Variants in RUNX2 observed in about 807,000 individuals in gnomAD.
The protein encoded by RUNX2 is runt-related transcription factor 2.
A neutral mutation model predicts 51.7 loss-of-function variants in RUNX2; 10 were observed. The ratio of observed to expected loss-of-function variants is 0.19; its 90% CI spans 0.12 to 0.33. RUNX2 has a LOEUF of 0.33. RUNX2 is among the 10% of genes least tolerant of loss of function. RUNX2 has a pLI of 1.00. For synonymous variants in RUNX2, 276 were observed against 273.6 expected, an observed-to-expected ratio of 1.01 and a Z score of -0.09; for missense variants, 562 against 691.3, an observed-to-expected ratio of 0.81 and a Z score of 2.10.
intron 2 of RUNX2, among the ~76,000 whole-genome samples, chr6:45,401,494 T>C (rs539193632): frequency 4.9e-4 from 74 of 152,360 alleles, no homozygotes; most frequent in Admixed American, 1.7e-3. Context: ...TAACTCTGAC[T>C]TTGAACTAGT....
At chr6:45,360,671 G>A (rs766063550) in intron 2 of RUNX2, among the ~76,000 whole-genome samples, 19 of 152,080 alleles carry the variant, frequency 1.2e-4, no homozygotes, top group South Asian at 2.1e-4. Context: ...ATGAATAAAT[G>A]GTCATTGCTA....
intron 2 of RUNX2, among the ~76,000 whole-genome samples, chr6:45,367,857 A>T (rs1473167837): frequency 1.3e-5 from 2 of 152,182 alleles, no homozygotes; most frequent in African/African-American, 4.8e-5. Flanking sequence ...TTTTATATCA[A>T]ACAGGTGAAT....
intron 7 of RUNX2, among the ~76,000 whole-genome samples, chr6:45,520,201 A>C (rs967609949): frequency 6.6e-6 from 1 of 151,918 alleles, no homozygotes; most frequent in South Asian, 2.1e-4. Context: ...CTTATCTTCC[A>C]TTTTCCTTTT....
At position 45,492,100 on chromosome 6, in the gene RUNX2, A is replaced by G. The variant is rs1489516989; in HGVS notation, c.845A>G (p.Gln282Arg). Residue 282 changes from glutamine to arginine, a missense_variant, in exon 6 of 9, where the codon CAG becomes CGG. Coordinates refer to ENST00000647337, the MANE Select transcript of RUNX2 (RefSeq NM_001024630.4). ...CCAAGTCCTTTTAATCCACAAGGACAGAGTCAGATTACAGGTAAGACAGAC... is the reference window on the plus strand; with the variant it reads ...CCAAGTCCTTTTAATCCACAAGGACGGAGTCAGATTACAGGTAAGACAGAC... The part of the protein sequence containing the change: ...SAPSPFNPQG[Q>R]SQITDPRQAQ... The G allele has an allele frequency of 6.2e-7, 1 of 1,613,800 alleles. No individual in the cohort carries two copies. Among genetic ancestry groups the G allele is most frequent in the Admixed American group, 1.7e-5 (1 of 59,970 alleles).
intron 2 of RUNX2, among the ~76,000 whole-genome samples, chr6:45,340,236 T>A (rs954723618): frequency 1.3e-5 from 2 of 152,130 alleles, no homozygotes; most frequent in African/African-American, 4.8e-5. Flanking sequence ...CCCTGCCACA[T>A]ATCTTTAAGA....
chr6:45,535,612 A>G (rs1802007286), intron 7 of RUNX2, among the ~76,000 whole-genome samples: 1 of 152,054 alleles, frequency 6.6e-6, no homozygotes, highest in African/African-American at 2.4e-5. Context: ...TCAAAAAAAA[A>G]AAAAGAAAGA....
intron 5 of RUNX2, among the ~76,000 whole-genome samples, chr6:45,471,613 T>G (rs1384763913): frequency 6.6e-6 from 1 of 151,844 alleles, no homozygotes; most frequent in East Asian, 1.9e-4. Flanking sequence ...CCCAGCTAAT[T>G]TTTTGTATTT....
chr6:45,502,593 C>T (rs996420417), intron 6 of RUNX2, among the ~76,000 whole-genome samples: 17 of 152,106 alleles, frequency 1.1e-4, no homozygotes, highest in African/African-American at 3.4e-4. Context: ...TCAGGAGCCT[C>T]GCCCCCGTGA....
chr6:45,485,673 ATG>A lies in RUNX2; in HGVS notation c.686-6244_686-6243del, dbSNP rs370831246. ...TATATATATGTGTGCATGGATATGT[ATG>A]TGTGTGTGTGTGTGTGTGTGTGTAT... On this transcript the variant is annotated intron_variant, in intron 5 of 8. Coordinates refer to ENST00000647337, the MANE Select transcript of RUNX2 (RefSeq NM_001024630.4). Among the ~76,000 whole-genome samples, 915 of 123,536 alleles carry A rather than the reference ATG, an allele frequency of 7.4e-3. 21 individuals are homozygous for A. Among genetic ancestry groups the A allele is most frequent in the East Asian group, 0.026 (98 of 3,742 alleles). 81.0% of individuals were successfully genotyped at this position (123,536 alleles called of 152,430 possible). A position where few individuals can be genotyped will look rare whatever the true frequency, so the allele number is the denominator to read the frequency against.
chr6:45,547,446 C>A lies in RUNX2; in HGVS notation c.*141C>A. The A allele has an allele frequency of 1.4e-6, 1 of 732,558 alleles. No homozygotes were observed. 45.4% of individuals were successfully genotyped at this position (732,558 alleles called of 1,614,324 possible). ...TATTTTTTAGAAGATTTTTCATTCA[C>A]TCACTCAGTCATGATCTTGCAGCCA... On this transcript the variant is annotated 3_prime_UTR_variant, in exon 9 of 9. Transcript: ENST00000647337.
intron 2 of RUNX2, among the ~76,000 whole-genome samples, chr6:45,331,448 G>C (rs892800092): frequency 6.6e-6 from 1 of 151,888 alleles, no homozygotes; most frequent in Non-Finnish European, 1.5e-5. Context: ...ATTCAGTAGT[G>C]ACAAAGTTTT....
chr6:45,475,846 C>T (rs1010175282), intron 5 of RUNX2, among the ~76,000 whole-genome samples: 2 of 152,170 alleles, frequency 1.3e-5, no homozygotes, highest in Non-Finnish European at 2.9e-5. Context: ...AATTATAGCC[C>T]TAGGGCCTGA....
intron 5 of RUNX2, among the ~76,000 whole-genome samples, chr6:45,444,912 G>A (rs1798948623): frequency 1.3e-5 from 2 of 152,158 alleles, no homozygotes; most frequent in Admixed American, 6.5e-5. Context: ...TGATGTCAGC[G>A]GCAGCTCGCT....
At chr6:45,392,034 C>CT (rs1797481911) in intron 2 of RUNX2, among the ~76,000 whole-genome samples, 1 of 152,134 alleles carries the variant, frequency 6.6e-6, no homozygotes, top group African/African-American at 2.4e-5. Flanking sequence ...GTAGTCAGGC[C>CT]TTTATACTTG....
At chr6:45,423,081 C>A in intron 3 of RUNX2, 124 bp downstream of exon 3, 2 of 1,262,988 alleles carry the variant, frequency 1.6e-6, no homozygotes, top group Non-Finnish European at 2.1e-6. Flanking sequence ...CGGCTCTAAC[C>A]CCAGAAACCC....
intron 3 of RUNX2, among the ~76,000 whole-genome samples, chr6:45,427,994 A>T (rs1288748754): frequency 1.3e-5 from 2 of 152,170 alleles, no homozygotes; most frequent in African/African-American, 4.8e-5. Context: ...CAGGACAGAA[A>T]ATTACTTCTC....
intron 2 of RUNX2, among the ~76,000 whole-genome samples, chr6:45,407,962 G>A (rs1237513746): frequency 6.6e-6 from 1 of 151,818 alleles, no homozygotes; most frequent in African/African-American, 2.4e-5. Flanking sequence ...TAATTCTTCT[G>A]GTTTGAGTTA....
At chr6:45,525,793 G>C (rs1801658591) in intron 7 of RUNX2, among the ~76,000 whole-genome samples, 1 of 152,028 alleles carries the variant, frequency 6.6e-6, no homozygotes, top group Non-Finnish European at 1.5e-5. Flanking sequence ...CCAGCAGTTG[G>C]AGACCAGCCT....
At chr6:45,405,017 A>G (rs2150354008) in intron 2 of RUNX2, among the ~76,000 whole-genome samples, 1 of 152,366 alleles carries the variant, frequency 6.6e-6, no homozygotes, top group East Asian at 1.9e-4. Flanking sequence ...GTCTGCTTTG[A>G]TGAAAGCATT....
Sources: allele counts gnomAD v4.1 joint callset (sites outside exome capture counted in the v4.1 genomes callset), GRCh38; gene constraint gnomAD v4.1.1; transcripts MANE v1.5; gene names NCBI Gene and HGNC (gene_info 2026-07-23, HGNC 2026-07-21).